The following ANKRD12 variants were observed in gnomAD, a reference collection of about 807,000 sequenced individuals.
ANKRD12 encodes the protein ankyrin repeat domain-containing protein 12.
In ANKRD12, 85 loss-of-function variants were observed where a neutral mutation model predicts 183.4. The ratio of observed to expected loss-of-function variants is 0.46; its 90% CI spans 0.39 to 0.56. The LOEUF is 0.56. Among genes scored for constraint, ANKRD12 ranks in the 20% least tolerant of loss-of-function variants. The pLI, the probability that ANKRD12 is intolerant of heterozygous loss-of-function variation, is 0.00. For missense variants in ANKRD12, 2,405 were observed against 2,357.1 expected (o/e 1.02, Z -0.42); for synonymous variants, 914 against 800.2 (o/e 1.14, Z -2.40).
chr18:9,265,373 C>T (rs981821026), intron 10 of ANKRD12, among the ~76,000 whole-genome samples: 1 of 152,206 alleles, frequency 6.6e-6, no homozygotes, highest in African/African-American at 2.4e-5. Flanking sequence ...GGAGGCACCC[C>T]CCCAGTAGGT....
At chr18:9,172,736 G>C (rs923512334) in intron 1 of ANKRD12, among the ~76,000 whole-genome samples, 1 of 152,120 alleles carries the variant, frequency 6.6e-6, no homozygotes, top group Non-Finnish European at 1.5e-5. Context: ...AGCCATCTCA[G>C]CCTCAGCCCA....
intron 7 of ANKRD12, 89 bp from the exon 8 acceptor site, chr18:9,221,763 A>G: frequency 1.3e-5 from 18 of 1,339,572 alleles, no homozygotes; most frequent in Non-Finnish European, 1.9e-5. Flanking sequence ...GGTAACACTC[A>G]GAAGGATACT....
intron 1 of ANKRD12, among the ~76,000 whole-genome samples, chr18:9,170,666 G>A (rs1347804374): frequency 2.0e-5 from 3 of 151,992 alleles, no homozygotes; most frequent in Non-Finnish European, 4.4e-5. Context: ...TCCTCTTGTA[G>A]CTCGGAGTAG....
intron 2 of ANKRD12, among the ~76,000 whole-genome samples, chr18:9,193,199 G>A (rs891954683): frequency 1.4e-5 from 2 of 148,122 alleles, no homozygotes; most frequent in African/African-American, 2.5e-5. Flanking sequence ...GCACAGTGGC[G>A]AAGAACATGG....
chr18:9,141,332 C>T (rs778536374), intron 1 of ANKRD12, among the ~76,000 whole-genome samples: 11 of 152,056 alleles, frequency 7.2e-5, no homozygotes, highest in African/African-American at 2.2e-4. Context: ...TTCCACTTTG[C>T]TATTGATATC....
chr18:9,186,614 A>C (rs978506289), intron 2 of ANKRD12, among the ~76,000 whole-genome samples: 2 of 152,164 alleles, frequency 1.3e-5, no homozygotes, highest in Non-Finnish European at 2.9e-5. Flanking sequence ...GAAGGGCTGT[A>C]GTTTTTATTC....
At chr18:9,175,379 A>G (rs2033166125) in intron 1 of ANKRD12, among the ~76,000 whole-genome samples, 2 of 152,040 alleles carry the variant, frequency 1.3e-5, no homozygotes, top group Admixed American at 6.6e-5. Context: ...TATCTTCTAA[A>G]TAGTCTGAGT....
At chr18:9,233,682 T>C (rs1250467423) in intron 8 of ANKRD12, among the ~76,000 whole-genome samples, 1 of 152,232 alleles carries the variant, frequency 6.6e-6, no homozygotes, top group Non-Finnish European at 1.5e-5. Context: ...TCTTTGGCTA[T>C]AAACAATGTC....
At chr18:9,149,113 G>A (rs745659001) in intron 1 of ANKRD12, among the ~76,000 whole-genome samples, 1 of 152,074 alleles carries the variant, frequency 6.6e-6, no homozygotes, top group African/African-American at 2.4e-5. Context: ...ACCTCCGTAC[G>A]CATGCACCCA....
rs139555890 is a variant in ANKRD12 at position 9,255,787 on chromosome 18, C to G, written c.2520C>G (p.Thr840=). 9.0e-4 allele frequency: 1,406 copies of G among 1,570,614 alleles called. 6 individuals are homozygous for G. Among genetic ancestry groups the G allele is most frequent in the South Asian group, 7.8e-3 (643 of 82,286 alleles). ...ACATTGAGAAGATGGAAAGAAAAAC[C>G]TTTGAAAAAGAAAAGAAGATAAAAC... ...EKDIEKMERK[T]FEKEKKIKHE... The change falls in exon 9 of 13, where the codon ACC becomes ACG. Residue 840 remains threonine (T), a synonymous_variant. Transcript: ENST00000262126.
At position 9,142,033 on chromosome 18, in the gene ANKRD12, A is replaced by G. The variant is rs182345641; in HGVS notation, c.-52+5068A>G. On this transcript the variant is annotated intron_variant, in intron 1 of 12. Transcript: ENST00000262126. ...TGCTTCACCCTCCCTAGTAGCTGGGATTACAGGTCTTAGCCACCTTACCTT... is the reference window on the plus strand; with the variant it reads ...TGCTTCACCCTCCCTAGTAGCTGGGGTTACAGGTCTTAGCCACCTTACCTT... Among the ~76,000 whole-genome samples, 10 of 152,268 alleles carry G rather than the reference A, an allele frequency of 6.6e-5. No individual in the cohort carries two copies. The East Asian group carries it at 1.9e-3, about 29-fold the overall frequency.
intron 3 of ANKRD12, among the ~76,000 whole-genome samples, chr18:9,199,571 C>A (rs947035453): frequency 2.6e-5 from 4 of 152,092 alleles, no homozygotes; most frequent in African/African-American, 9.7e-5. Flanking sequence ...ATCATCTTAT[C>A]TCTAGCAAGG....
chr18:9,279,226 C>G (rs2039995467), intron 11 of ANKRD12, among the ~76,000 whole-genome samples: 1 of 152,198 alleles, frequency 6.6e-6, no homozygotes, highest in African/African-American at 2.4e-5. Flanking sequence ...AAAATTAAAT[C>G]TGTAATTGGT....
chr18:9,270,234 A>G (rs2039520938), intron 10 of ANKRD12, among the ~76,000 whole-genome samples: 1 of 152,192 alleles, frequency 6.6e-6, no homozygotes, highest in Non-Finnish European at 1.5e-5. Context: ...AACTAGAAAT[A>G]CCATTTGACC....
intron 1 of ANKRD12, among the ~76,000 whole-genome samples, chr18:9,166,305 C>G (rs1415363586): frequency 6.6e-6 from 1 of 152,164 alleles, no homozygotes; most frequent in South Asian, 2.1e-4. Flanking sequence ...CACTGACTTC[C>G]ACAATGGTTG....
chr18:9,139,749 A>G (rs2078253451), intron 1 of ANKRD12, among the ~76,000 whole-genome samples: 1 of 152,206 alleles, frequency 6.6e-6, no homozygotes, highest in African/African-American at 2.4e-5. Context: ...TATTTGTAAG[A>G]TGCCTGTGCC....
In ANKRD12 at chr18:9,256,627, A is replaced by C; in HGVS notation, c.3360A>C (p.Ile1120=). Residue 1120 remains isoleucine (I), a synonymous_variant, in exon 9 of 13, where the codon ATA becomes ATC. Coordinates refer to ENST00000262126, the MANE Select transcript of ANKRD12 (RefSeq NM_015208.5). Reference sequence around the variant, plus strand: ...ACCGAAACTGTTTAGAACTTAAAATAAAAGATAAAGAAAAAACAAAGCATA... The same window carrying C: ...ACCGAAACTGTTTAGAACTTAAAATCAAAGATAAAGAAAAAACAAAGCATA... The part of the protein sequence containing the change: ...LRNRNCLELK[I]KDKEKTKHTP... 1 of 1,605,084 alleles carries C rather than the reference A, an allele frequency of 6.2e-7. No individual in the cohort carries two copies. Among genetic ancestry groups the C allele is most frequent in the East Asian group, 2.2e-5 (1 of 44,838 alleles).
intron 8 of ANKRD12, among the ~76,000 whole-genome samples, chr18:9,222,901 G>A (rs1230870087): frequency 6.6e-6 from 1 of 152,150 alleles, no homozygotes; most frequent in Non-Finnish European, 1.5e-5. Flanking sequence ...ATTAAGAGAT[G>A]CTGCCAAATT....
chr18:9,140,985 A>G (rs2078293654), intron 1 of ANKRD12, among the ~76,000 whole-genome samples: 1 of 152,188 alleles, frequency 6.6e-6, no homozygotes, highest in South Asian at 2.1e-4. Flanking sequence ...TACATACTAA[A>G]TAATAGATTT....
Sources: gnomAD v4.1 joint callset for allele counts (sites outside exome capture counted in the v4.1 genomes callset) on GRCh38, gnomAD v4.1.1 for gene constraint, MANE v1.5 for transcripts, NCBI Gene and HGNC (gene_info 2026-07-23, HGNC 2026-07-21) for gene names.